GLIS1: variants seen among roughly 807,000 people sequenced by gnomAD.
GLIS1 encodes the protein GLIS family zinc finger 1, also known as zinc finger protein GLIS1.
A neutral mutation model predicts 63.8 loss-of-function variants in GLIS1; 24 were observed. The ratio of observed to expected loss-of-function variants is 0.38; its 90% CI spans 0.27 to 0.53. The LOEUF (loss-of-function observed/expected upper bound fraction) is 0.53, where lower values mean the gene tolerates loss of function less well. Ranked by LOEUF, GLIS1 falls within the 20% of genes least tolerant of loss-of-function variation. GLIS1 has a pLI of 0.85. For missense variants in GLIS1, 1,036 were observed against 1,074.1 expected, an observed-to-expected ratio of 0.96 and a Z score of 0.50; for synonymous variants, 450 against 482.5, an observed-to-expected ratio of 0.93 and a Z score of 0.88.
intron 2 of GLIS1, among the ~76,000 whole-genome samples, chr1:53,648,908 G>A (rs900926246): frequency 6.6e-6 from 1 of 152,200 alleles, no homozygotes; most frequent in Admixed American, 6.5e-5. Context: ...TGGGTCCACA[G>A]TTACATTCAC....
At chr1:53,661,398 T>G (rs1396844033) in intron 2 of GLIS1, among the ~76,000 whole-genome samples, 1 of 152,168 alleles carries the variant, frequency 6.6e-6, no homozygotes, top group African/African-American at 2.4e-5. Context: ...ATTTGCCTAG[T>G]GATGCATTTG....
At chr1:53,713,042 T>C (rs1273646305) in intron 2 of GLIS1, among the ~76,000 whole-genome samples, 1 of 152,046 alleles carries the variant, frequency 6.6e-6, no homozygotes, top group African/African-American at 2.4e-5. Context: ...TCAAGAGAAA[T>C]ACCAAAAAGG....
At chr1:53,712,928 G>C (rs1277052791) in intron 2 of GLIS1, among the ~76,000 whole-genome samples, 2 of 152,088 alleles carry the variant, frequency 1.3e-5, no homozygotes, top group African/African-American at 2.4e-5. Flanking sequence ...GACCCAGGAA[G>C]GCAGAAACCA....
intron 4 of GLIS1, among the ~76,000 whole-genome samples, chr1:53,556,076 T>TTG (rs1644819840): frequency 1.7e-5 from 1 of 59,350 alleles, no homozygotes; most frequent in Non-Finnish European, 3.2e-5. Flanking sequence ...TACTGTAGGT[T>TTG]TGTGTGTGCA....
intron 2 of GLIS1, among the ~76,000 whole-genome samples, chr1:53,661,389 T>C (rs1462379296): frequency 6.6e-6 from 1 of 152,168 alleles, no homozygotes; most frequent in South Asian, 2.1e-4. Context: ...ACACGGCTTA[T>C]TTGCCTAGTG....
At chr1:53,555,307 G>T (rs1163510492) in intron 4 of GLIS1, among the ~76,000 whole-genome samples, 1 of 152,170 alleles carries the variant, frequency 6.6e-6, no homozygotes, top group East Asian at 1.9e-4. Flanking sequence ...GAGGCGGGCG[G>T]ATCACGAGGT....
At chr1:53,562,070 G>C (rs1174846683) in intron 4 of GLIS1, among the ~76,000 whole-genome samples, 1 of 152,166 alleles carries the variant, frequency 6.6e-6, no homozygotes, top group Non-Finnish European at 1.5e-5. Flanking sequence ...GGGTTACAGA[G>C]ACCATCTTCA....
intron 4 of GLIS1, 47 bp from the exon 5 acceptor site, chr1:53,529,999 C>G (rs902990260): frequency 6.3e-7 from 1 of 1,582,270 alleles, no homozygotes; most frequent in Non-Finnish European, 8.6e-7. Context: ...GTGGGCACCC[C>G]AACCCTGCAT....
intron 2 of GLIS1, among the ~76,000 whole-genome samples, chr1:53,707,726 T>C (rs1016714671): frequency 6.6e-6 from 1 of 152,076 alleles, no homozygotes; most frequent in Admixed American, 6.5e-5. Flanking sequence ...TTTACTATCT[T>C]ATCTTTTGTA....
At chr1:53,709,965 G>C (rs891061002) in intron 2 of GLIS1, among the ~76,000 whole-genome samples, 1 of 152,180 alleles carries the variant, frequency 6.6e-6, no homozygotes, top group Non-Finnish European at 1.5e-5. Flanking sequence ...ATGGGAGGGG[G>C]ACACTTGTAC....
At chr1:53,563,940 C>A (rs1057172525) in intron 4 of GLIS1, among the ~76,000 whole-genome samples, 1 of 152,160 alleles carries the variant, frequency 6.6e-6, no homozygotes, top group Admixed American at 6.5e-5. Flanking sequence ...TAGAAGTGGG[C>A]ATCTTCTATC....
chr1:53,513,826 A>G (rs1353468240), intron 8 of GLIS1, among the ~76,000 whole-genome samples: 1 of 152,218 alleles, frequency 6.6e-6, no homozygotes, highest in Non-Finnish European at 1.5e-5. Context: ...TGTGGCGATG[A>G]AGCCAGGCTG....
chr1:53,706,577 C>A (rs1173588), intron 2 of GLIS1, among the ~76,000 whole-genome samples: 3 of 152,076 alleles, frequency 2.0e-5, no homozygotes, highest in East Asian at 1.9e-4. Flanking sequence ...AAGGCCCCAC[C>A]AGGGACCACT....
chr1:53,694,141 C>G (rs78648874), intron 2 of GLIS1, among the ~76,000 whole-genome samples: 1 of 152,202 alleles, frequency 6.6e-6, no homozygotes, highest in Admixed American at 6.5e-5. Context: ...AGAAGGGGCT[C>G]TGGCCCAATC....
At chr1:53,553,235 T>C (rs72895267) in intron 4 of GLIS1, among the ~76,000 whole-genome samples, 1,611 of 152,252 alleles carry the variant, frequency 0.011, 28 homozygotes, top group African/African-American at 0.037. Flanking sequence ...GTGGGGTTAT[T>C]CCATCCAAGC....
intron 2 of GLIS1, among the ~76,000 whole-genome samples, chr1:53,626,086 G>A (rs907343467): frequency 1.8e-4 from 27 of 152,164 alleles, no homozygotes; most frequent in Admixed American, 1.2e-3. Context: ...CACCAGGCCC[G>A]GAGTGAGGGC....
intron 2 of GLIS1, among the ~76,000 whole-genome samples, chr1:53,693,693 G>A (rs755038928): frequency 1.5e-4 from 23 of 152,314 alleles, no homozygotes; most frequent in Admixed American, 1.1e-3. Flanking sequence ...TAAAGCAGGC[G>A]CTCTGGCGGC....
intron 2 of GLIS1, among the ~76,000 whole-genome samples, chr1:53,703,034 C>T (rs1175600810): frequency 6.6e-6 from 1 of 152,236 alleles, no homozygotes. Context: ...AATCTCTGCT[C>T]TGCCACTCGC....
intron 2 of GLIS1, among the ~76,000 whole-genome samples, chr1:53,692,219 AC>A (rs1170197374): frequency 6.6e-6 from 1 of 152,218 alleles, no homozygotes; most frequent in East Asian, 1.9e-4. Flanking sequence ...GCCCCTTTGA[AC>A]GAAGCACACC....
Sources: allele counts gnomAD v4.1 joint callset (sites outside exome capture counted in the v4.1 genomes callset), GRCh38; gene constraint gnomAD v4.1.1; transcripts MANE v1.5; gene names NCBI Gene and HGNC (gene_info 2026-07-23, HGNC 2026-07-21).